The following IFT122 variants were observed in gnomAD, a reference collection of about 807,000 sequenced individuals.
The protein encoded by IFT122 is intraflagellar transport 122.
IFT122 carries 118 observed loss-of-function variants against 161.6 expected under a neutral mutation model. The observed-to-expected ratio is 0.73, with a 90% CI of 0.63 to 0.85. The LOEUF (loss-of-function observed/expected upper bound fraction) is 0.85, where lower values mean the gene tolerates loss of function less well. Ranked by LOEUF, IFT122 falls within the 40% of genes least tolerant of loss-of-function variation. The pLI is 0.00. For synonymous variants in IFT122, 550 were observed against 602.4 expected, an observed-to-expected ratio of 0.91 and a Z score of 1.27; for missense variants, 1,381 against 1,579.6, an observed-to-expected ratio of 0.87 and a Z score of 2.13.
chr3:129,519,448 C>T, intron 28 of IFT122, 120 bp from the exon 29 acceptor site: 1 of 1,385,100 alleles, frequency 7.2e-7, no homozygotes, highest in Non-Finnish European at 9.9e-7. Context: ...GTTAGGGTCA[C>T]CTGGGTTTAG....
At chr3:129,514,214 A>T (rs2083183646) in intron 24 of IFT122, 175 bp from the exon 25 acceptor site, 5 of 735,782 alleles carry the variant, frequency 6.8e-6, no homozygotes, top group Non-Finnish European at 1.2e-5. Context: ...GGGCCTTGCC[A>T]TCCGAGAAGT....
chr3:129,463,380 T>G, intron 5 of IFT122, 180 bp from the exon 6 acceptor site: 1 of 584,772 alleles, frequency 1.7e-6, no homozygotes, highest in Non-Finnish European at 3.1e-6. Context: ...ATTTTGTCAT[T>G]CAAGAATGTT....
At chr3:129,489,465 G>C (rs1192112420) in intron 16 of IFT122, among the ~76,000 whole-genome samples, 1 of 152,212 alleles carries the variant, frequency 6.6e-6, no homozygotes, top group Non-Finnish European at 1.5e-5. Context: ...CAAGGGAAGT[G>C]ATCGTTGTGT....
Position 129,470,409 on chromosome 3 carries a change from G to A in IFT122, c.816+992G>A, listed in dbSNP as rs902167072. Among the ~76,000 whole-genome samples the A allele has an allele frequency of 1.5e-4, 23 of 149,856 alleles. No homozygotes were observed. In the East Asian group the frequency reaches 3.8e-3, roughly 25 times the overall value. On this transcript the variant is annotated intron_variant, in intron 9 of 29. Transcript: ENST00000348417. Reference sequence around the variant, plus strand: ...CTCCTGAGTAGCTGGGACTACAGGCGCCCACCACCACGCCTGGCTAATATT... The same window carrying A: ...CTCCTGAGTAGCTGGGACTACAGGCACCCACCACCACGCCTGGCTAATATT...
At chr3:129,509,449 A>T (rs2108605792) in intron 23 of IFT122, among the ~76,000 whole-genome samples, 1 of 152,036 alleles carries the variant, frequency 6.6e-6, no homozygotes, top group South Asian at 2.1e-4. Context: ...TTGAACCACC[A>T]CTGCACTGTA....
chr3:129,501,737 G>A (rs960786441), intron 19 of IFT122, among the ~76,000 whole-genome samples: 1 of 152,206 alleles, frequency 6.6e-6, no homozygotes, highest in Non-Finnish European at 1.5e-5. Flanking sequence ...CAGGGACGTT[G>A]GGTGTGATGG....
intron 15 of IFT122, among the ~76,000 whole-genome samples, chr3:129,486,233 A>C (rs1465000712): frequency 1.3e-5 from 2 of 152,224 alleles, no homozygotes; most frequent in Non-Finnish European, 2.9e-5. Context: ...CTCACGGGGC[A>C]GTCAGCATGG....
intron 3 of IFT122, among the ~76,000 whole-genome samples, chr3:129,454,747 C>A (rs1394652352): frequency 6.6e-6 from 1 of 152,086 alleles, no homozygotes; most frequent in Non-Finnish European, 1.5e-5. Flanking sequence ...ATAAGCATAG[C>A]AGGGCTCTTT....
Position 129,483,644 on chromosome 3 carries a change from C to T in IFT122, c.1813C>T (p.Leu605Phe). 1 of 1,611,122 alleles carries T rather than the reference C, an allele frequency of 6.2e-7. No homozygotes were observed. The highest frequency in any genetic ancestry group is 1.1e-5 in the South Asian group (1 of 90,606). The change falls in exon 15 of 30, where the codon CTC becomes TTC. Residue 605 changes from leucine to phenylalanine, a missense_variant. Physicochemically the swap from Leu to Phe is conservative, Grantham distance 22. This residue lies in a region of IFT122 where 544 missense variants were observed against 648.0 expected (regional missense o/e 0.84). Coordinates refer to ENST00000348417, the MANE Select transcript of IFT122 (RefSeq NM_052989.3). ...VGYNGSKIFC[L>F]HVFSISAVEV... ...CTACAATGGCTCCAAGATCTTCTGC[C>T]TCCATGTCTTCTCCATTTCTGCCGT...
At chr3:129,462,786 T>G (rs1305422729) in intron 5 of IFT122, among the ~76,000 whole-genome samples, 2 of 152,190 alleles carry the variant, frequency 1.3e-5, no homozygotes, top group Non-Finnish European at 2.9e-5. Flanking sequence ...GACATACACT[T>G]GCTATGAGGC....
intron 14 of IFT122, among the ~76,000 whole-genome samples, chr3:129,482,792 C>T (rs2078829404): frequency 6.6e-6 from 1 of 152,162 alleles, no homozygotes; most frequent in African/African-American, 2.4e-5. Flanking sequence ...TAGTAATTGC[C>T]CCTTACAGAA....
In IFT122 at chr3:129,460,946, AAGGCCAAGGTG is replaced by A. The variant is rs1559868433; in HGVS notation, c.273-281_273-271del. 1.2e-6 allele frequency: 2 copies of A among 1,612,060 alleles called. No individual in the cohort carries two copies. Among genetic ancestry groups the A allele is most frequent in the East Asian group, 4.5e-5 (2 of 44,862 alleles). ...GTAACAGCCACAGATAAAGCACCTA[AAGGCCAAGGTG>A]GGAGGATTGATTGCTTGAGGCCAAG... On this transcript the variant is annotated intron_variant, in intron 4 of 29. Coordinates refer to ENST00000348417, the MANE Select transcript of IFT122 (RefSeq NM_052989.3).
chr3:129,477,531 T>C (rs1577602608), intron 11 of IFT122, among the ~76,000 whole-genome samples: 1 of 152,022 alleles, frequency 6.6e-6, no homozygotes, highest in South Asian at 2.1e-4. Flanking sequence ...GCTGTGGTGG[T>C]TGGGGCAAAG....
intron 16 of IFT122, among the ~76,000 whole-genome samples, chr3:129,491,209 T>C (rs1299354935): frequency 6.6e-6 from 1 of 152,190 alleles, no homozygotes; most frequent in African/African-American, 2.4e-5. Flanking sequence ...CCGAGGTCTT[T>C]TCAGGAGGGA....
chr3:129,450,910 C>T (rs374471559), intron 2 of IFT122, among the ~76,000 whole-genome samples: 12 of 151,752 alleles, frequency 7.9e-5, no homozygotes, highest in Non-Finnish European at 1.2e-4. Flanking sequence ...TTAGTAGAGA[C>T]GGGGTTTCTC....
chr3:129,455,507 A>G (rs2075370455), intron 3 of IFT122, among the ~76,000 whole-genome samples: 1 of 152,186 alleles, frequency 6.6e-6, no homozygotes, highest in East Asian at 1.9e-4. Context: ...ACCATGATAT[A>G]AAAGTATGTA....
At chr3:129,474,600 C>T (rs16859900) in intron 9 of IFT122, among the ~76,000 whole-genome samples, 11,343 of 151,992 alleles carry the variant, frequency 0.075, 1,133 homozygotes, top group East Asian at 0.41. Flanking sequence ...AGGGAAAGAG[C>T]ATTCCTGGCT....
At position 129,449,184 on chromosome 3, in the gene IFT122, T is replaced by C. The variant is rs574351765; in HGVS notation, c.42-687T>C. Reference sequence around the variant, plus strand: ...GCGTCTTCCTCCTTCGAATCCTGTTTTCATGTGTCTCTTAAAGCCTTTATC... The same window carrying C: ...GCGTCTTCCTCCTTCGAATCCTGTTCTCATGTGTCTCTTAAAGCCTTTATC... On this transcript the variant is annotated intron_variant, in intron 1 of 29. Coordinates refer to ENST00000348417, the MANE Select transcript of IFT122 (RefSeq NM_052989.3). Among the ~76,000 whole-genome samples, 7 of 152,368 alleles carry C rather than the reference T, an allele frequency of 4.6e-5. No homozygotes were observed. In the South Asian group the frequency reaches 8.3e-4, roughly 18 times the overall value.
Position 129,512,348 on chromosome 3 carries a change from T to C in IFT122, c.2923T>C (p.Phe975Leu). 1 of 1,614,100 alleles carries C rather than the reference T, an allele frequency of 6.2e-7. No homozygotes were observed. The highest frequency in any genetic ancestry group is 8.5e-7 in the Non-Finnish European group (1 of 1,179,946). The change falls in exon 24 of 30, where the codon TTC becomes CTC. Residue 975 changes from phenylalanine to leucine, a missense_variant. By Grantham distance (22) the Phe-to-Leu change is conservative. Transcript: ENST00000348417. The part of the protein sequence containing the change: ...PFSVHRPETL[F>L]NISRFLLHSL... ...CAGTGTCCATCGTCCTGAAACTCTT[T>C]TCAACATCTCCAGGTTCCTGCTGCA...
Sources: allele counts gnomAD v4.1 joint callset (sites outside exome capture counted in the v4.1 genomes callset), GRCh38; gene constraint gnomAD v4.1.1; regional missense constraint gnomAD v4.1.1; transcripts MANE v1.5; gene names NCBI Gene and HGNC (gene_info 2026-07-23, HGNC 2026-07-21).